ASTN2: variants seen among roughly 807,000 people sequenced by gnomAD.
ASTN2 encodes astrotactin 2, also known as astrotactin-2.
Under a neutral mutation model 139.8 loss-of-function variants are expected in ASTN2, and 54 were observed. The ratio of observed to expected loss-of-function variants is 0.39; its 90% confidence interval spans 0.31 to 0.48. The LOEUF (loss-of-function observed/expected upper bound fraction) is 0.48, where lower values mean the gene tolerates loss of function less well. Among genes scored for constraint, ASTN2 ranks in the 20% least tolerant of loss-of-function variants. The pLI, the probability that ASTN2 is intolerant of heterozygous loss-of-function variation, is 0.95. For synonymous variants in ASTN2, 756 were observed against 719.5 expected (o/e 1.05, Z -0.81); for missense variants, 1,565 against 1,725.1 (o/e 0.91, Z 1.64).
chr9:117,033,092 G>A (rs1838290626), intron 6 of ASTN2, among the ~76,000 whole-genome samples: 1 of 152,118 alleles, frequency 6.6e-6, no homozygotes, highest in African/African-American at 2.4e-5. Context: ...CCTACGCAAA[G>A]AATTGGTGAC....
intron 13 of ASTN2, among the ~76,000 whole-genome samples, chr9:116,768,530 C>T (rs1221387025): frequency 6.6e-6 from 1 of 152,170 alleles, no homozygotes; most frequent in African/African-American, 2.4e-5. Flanking sequence ...CTACATTTCC[C>T]CTAGACAATT....
At chr9:117,262,807 T>A (rs1326528598) in intron 2 of ASTN2, among the ~76,000 whole-genome samples, 2 of 152,066 alleles carry the variant, frequency 1.3e-5, no homozygotes, top group Non-Finnish European at 1.5e-5. Flanking sequence ...AGGGTCCTAG[T>A]AAATAAAAGA....
chr9:117,401,592 T>C (rs1479025429), intron 1 of ASTN2, among the ~76,000 whole-genome samples: 1 of 152,234 alleles, frequency 6.6e-6, no homozygotes, highest in African/African-American at 2.4e-5. Context: ...CTCTGGCTAC[T>C]GTGTAGAGCA....
intron 19 of ASTN2, among the ~76,000 whole-genome samples, chr9:116,506,942 T>G (rs1036668912): frequency 2.6e-5 from 4 of 152,142 alleles, no homozygotes; most frequent in Admixed American, 2.6e-4. Context: ...CACTCATCTA[T>G]TTAAAGAATT....
At chr9:116,546,467 G>A (rs1363739508) in intron 19 of ASTN2, 1 of 152,088 alleles carries the variant, frequency 6.6e-6, no homozygotes, top group Non-Finnish European at 1.5e-5. Flanking sequence ...AGTGAGTCAG[G>A]GGCTATGAGT....
intron 1 of ASTN2, among the ~76,000 whole-genome samples, chr9:117,354,774 T>C (rs1829490620): frequency 6.6e-6 from 1 of 152,004 alleles, no homozygotes; most frequent in South Asian, 2.1e-4. Context: ...CTTCCCAACA[T>C]CTCTTCCCCG....
chr9:116,569,914 T>G (rs1292594191), intron 19 of ASTN2, among the ~76,000 whole-genome samples: 1 of 152,190 alleles, frequency 6.6e-6, no homozygotes, highest in Non-Finnish European at 1.5e-5. Flanking sequence ...GAGTCTAATG[T>G]ATTCCGTCAT....
At chr9:117,026,895 T>G (rs1838103558) in intron 6 of ASTN2, among the ~76,000 whole-genome samples, 1 of 141,906 alleles carries the variant, frequency 7.0e-6, no homozygotes, top group Non-Finnish European at 1.5e-5. Flanking sequence ...ATTCCCCATT[T>G]CACAGATGCA....
Position 116,699,801 on chromosome 9 carries a change from G to C in ASTN2, c.2806+25970C>G, listed in dbSNP as rs1309787967. The C allele has an allele frequency of 1.1e-5, 17 of 1,545,630 alleles. No homozygotes were observed. The East Asian group carries it at 2.7e-4, about 25-fold the overall frequency. ...CACATGCAGAATAGACTCAGCCTAT[G>C]TCCTGATTCCAGCTGGGTAGTTCTA... On this transcript the variant is annotated intron_variant, in intron 16 of 22. Coordinates refer to ENST00000313400, the MANE Select transcript of ASTN2 (RefSeq NM_001365068.1). This position sits in a 1 kb window ranked among gnomAD's most constrained non-coding sequence, Gnocchi z 4.2.
At chr9:117,340,935 A>G (rs1298310469) in intron 1 of ASTN2, among the ~76,000 whole-genome samples, 2 of 152,110 alleles carry the variant, frequency 1.3e-5, no homozygotes, top group African/African-American at 2.4e-5. Flanking sequence ...GGGCCTTTGC[A>G]TGGTCTTGTG....
chr9:116,687,062 T>G, intron 16 of ASTN2: 1 of 1,290,816 alleles, frequency 7.7e-7, no homozygotes, highest in Non-Finnish European at 9.9e-7. Context: ...ATCTCCTGAC[T>G]TACTGAGTGA....
At chr9:116,794,392 C>T (rs949507877) in intron 13 of ASTN2, among the ~76,000 whole-genome samples, 3 of 152,070 alleles carry the variant, frequency 2.0e-5, no homozygotes, top group South Asian at 2.1e-4. Context: ...GCCACCGAGC[C>T]GGGCCAAAAA....
intron 5 of ASTN2, among the ~76,000 whole-genome samples, chr9:117,093,821 TAAGA>T (rs1156526238): frequency 1.3e-5 from 2 of 152,152 alleles, no homozygotes; most frequent in African/African-American, 4.8e-5. Flanking sequence ...AACACAGTAT[TAAGA>T]AAGCTCTCCC....
chr9:117,092,818 T>C (rs1828738539), intron 5 of ASTN2, among the ~76,000 whole-genome samples: 1 of 152,110 alleles, frequency 6.6e-6, no homozygotes, highest in African/African-American at 2.4e-5. Flanking sequence ...AAAGAGGAGC[T>C]GAAATGGTGA....
At chr9:117,209,578 G>T (rs1194122073) in intron 3 of ASTN2, among the ~76,000 whole-genome samples, 1 of 151,948 alleles carries the variant, frequency 6.6e-6, no homozygotes, top group African/African-American at 2.4e-5. Context: ...GATCTAAAGG[G>T]AGAGACAGAC....
intron 13 of ASTN2, among the ~76,000 whole-genome samples, chr9:116,758,961 A>G (rs1476756162): frequency 1.3e-5 from 2 of 152,166 alleles, no homozygotes; most frequent in Admixed American, 6.5e-5. Flanking sequence ...TGGTGCTATC[A>G]TGGCTCACTG....
chr9:116,882,011 C>G (rs1370372883), intron 10 of ASTN2, among the ~76,000 whole-genome samples: 8 of 152,128 alleles, frequency 5.3e-5, no homozygotes, highest in Non-Finnish European at 8.8e-5. Flanking sequence ...CACTCAGTGC[C>G]TCAAGTGATG....
chr9:117,153,893 C>T (rs1415785104), intron 3 of ASTN2, among the ~76,000 whole-genome samples: 1 of 152,036 alleles, frequency 6.6e-6, no homozygotes, highest in African/African-American at 2.4e-5. Context: ...CATGTATGAC[C>T]AGGCACTCAA....
chr9:117,238,777 A>G (rs1343211239), intron 2 of ASTN2, among the ~76,000 whole-genome samples: 2 of 152,202 alleles, frequency 1.3e-5, no homozygotes, highest in African/African-American at 2.4e-5. Flanking sequence ...TGACCGCTAT[A>G]AAGATTAAGT....
Sources: gnomAD v4.1 joint callset for allele counts (sites outside exome capture counted in the v4.1 genomes callset) on GRCh38, gnomAD v4.1.1 for gene constraint, Gnocchi (gnomAD v3.1) non-coding constraint, MANE v1.5 for transcripts, NCBI Gene and HGNC (gene_info 2026-07-23, HGNC 2026-07-21) for gene names.